ANO7: variants seen among roughly 807,000 people sequenced by gnomAD.
ANO7 encodes anoctamin 7, also known as anoctamin-7.
A neutral mutation model predicts 115.8 loss-of-function variants in ANO7; 114 were observed. The ratio of observed to expected loss-of-function variants is 0.98; its 90% CI spans 0.85 to 1.15. The LOEUF is 1.15. Ranked by LOEUF, ANO7 falls within the 50% of genes most tolerant of loss-of-function variation. ANO7 has a pLI of 0.00. For missense variants in ANO7, 1,302 were observed against 1,201.2 expected, an observed-to-expected ratio of 1.08 and a Z score of -1.24; for synonymous variants, 550 against 498.2, an observed-to-expected ratio of 1.10 and a Z score of -1.38.
intron 7 of ANO7, 129 bp from the exon 8 acceptor site, chr2:241,202,065 G>T: frequency 1.4e-6 from 1 of 705,518 alleles, no homozygotes; most frequent in Non-Finnish European, 2.4e-6. Context: ...CTTTCCATCA[G>T]ATCGCTATTG....
chr2:241,222,845 G>A (rs1201855615), intron 21 of ANO7, among the ~76,000 whole-genome samples: 9 of 152,302 alleles, frequency 5.9e-5, no homozygotes, highest in African/African-American at 2.2e-4. Context: ...TTTTCACCGT[G>A]TAAGTAGACT....
Position 241,204,965 on chromosome 2 carries a change from C to A in ANO7, c.980+10C>A, listed in dbSNP as rs779319466. On this transcript the variant is annotated intron_variant, in intron 10 of 24. Transcript: ENST00000674324. ...TCTCAGACATACCCACGTGAGTGTTCCCTCTCCGCAGCTCTGGGGCCTGGT... is the reference window on the plus strand; with the variant it reads ...TCTCAGACATACCCACGTGAGTGTTACCTCTCCGCAGCTCTGGGGCCTGGT... 7.4e-6 allele frequency: 12 copies of A among 1,613,012 alleles called. No individual in the cohort carries two copies. The East Asian group carries it at 2.7e-4, about 36-fold the overall frequency.
At chr2:241,231,882 A>G in the ANO7 span, among the ~76,000 whole-genome samples, 1 of 98,796 alleles carries the variant, frequency 1.0e-5, no homozygotes, top group African/African-American at 3.3e-5. Context: ...CAACAGGACT[A>G]GAGGACGGGG....
the ANO7 span, among the ~76,000 whole-genome samples, chr2:241,236,988 G>T: frequency 1.6e-4 from 24 of 150,674 alleles, 1 homozygote; most frequent in South Asian, 4.4e-4. Flanking sequence ...GGGGGGGGGG[G>T]GGGGGGCGGC....
intron 1 of ANO7, among the ~76,000 whole-genome samples, chr2:241,189,338 C>G (rs1437494019): frequency 5.9e-5 from 9 of 152,188 alleles, no homozygotes; most frequent in Admixed American, 5.9e-4. Flanking sequence ...CGACCTCCTG[C>G]GGCGCCTCCA....
At chr2:241,211,213 G>T (rs557677831) in intron 15 of ANO7, among the ~76,000 whole-genome samples, 1 of 152,346 alleles carries the variant, frequency 6.6e-6, no homozygotes, top group African/African-American at 2.4e-5. Context: ...AGGTCCCCCA[G>T]GTGGGAGATG....
At chr2:241,201,429 A>G in intron 7 of ANO7, 74 bp downstream of exon 7, 4 of 1,516,012 alleles carry the variant, frequency 2.6e-6, no homozygotes, top group Non-Finnish European at 3.6e-6. Flanking sequence ...CCCAGCCTCC[A>G]TGGATGCAGA....
downstream of ANO7, chr2:241,229,784 G>GGCCCCCCCCC: frequency 6.7e-7 from 1 of 1,502,550 alleles, no homozygotes; most frequent in Non-Finnish European, 9.1e-7. Context: ...AAGCCCGCCT[G>GGCCCCCCCCC]CCCGCCCACC....
intron 21 of ANO7, among the ~76,000 whole-genome samples, chr2:241,222,801 A>G (rs2069056656): frequency 6.6e-6 from 1 of 152,150 alleles, no homozygotes; most frequent in African/African-American, 2.4e-5. Flanking sequence ...GAGCAGGTGA[A>G]CTGCTGATCT....
chr2:241,219,954 A>G (rs1349250751), intron 21 of ANO7, among the ~76,000 whole-genome samples: 1 of 152,148 alleles, frequency 6.6e-6, no homozygotes, highest in Non-Finnish European at 1.5e-5. Context: ...TATGACTAGG[A>G]TCTTCACATG....
intron 8 of ANO7, 147 bp downstream of exon 8, chr2:241,202,451 G>A (rs1024432116): frequency 2.2e-5 from 15 of 674,162 alleles, no homozygotes; most frequent in African/African-American, 1.4e-4. Context: ...ACACACATGC[G>A]GCGATGTGAT....
chr2:241,208,028 C>T (rs1165956418), intron 11 of ANO7, among the ~76,000 whole-genome samples: 1 of 152,134 alleles, frequency 6.6e-6, no homozygotes, highest in Non-Finnish European at 1.5e-5. Context: ...GCAGAATTCC[C>T]AACTTACAAG....
Position 241,217,898 on chromosome 2 carries a change from C to A in ANO7, c.2178+7C>A, listed in dbSNP as rs774954054. ...CCTGGCGGTCATCAGCAACGTGAGG[C>A]CCGGGCGGGAGCGCGGGGCGGGGCG... is the stretch of plus-strand genomic sequence containing the variant. On this transcript the variant is annotated splice_region_variant and intron_variant, in intron 20 of 24. Coordinates refer to ENST00000674324, the MANE Select transcript of ANO7 (RefSeq NM_001370694.2). 6.6e-6 allele frequency: 10 copies of A among 1,519,834 alleles called. No individual in the cohort carries two copies. In the Admixed American group the frequency reaches 1.1e-4, roughly 17 times the overall value. The allele number at this position is 1,519,834 out of a possible 1,614,324, so 94.1% of individuals were successfully genotyped here.
chr2:241,219,948 A>G (rs1393420525), intron 21 of ANO7, among the ~76,000 whole-genome samples: 4 of 152,088 alleles, frequency 2.6e-5, no homozygotes, highest in Non-Finnish European at 5.9e-5. Flanking sequence ...TCTGTGTATG[A>G]CTAGGATCTT....
Position 241,190,099 on chromosome 2 carries a change from C to T in ANO7, c.36C>T (p.Thr12=), listed in dbSNP as rs768339208. The change falls in exon 2 of 25, where the codon ACC becomes ACT. Residue 12 remains threonine, a synonymous_variant. Transcript: ENST00000674324. The part of the protein sequence containing the change: ...LRRRAQEEDS[T]VLIDVSPPEA... ...GACGGGCCCAGGAAGAGGACAGCAC[C>T]GTCCTGATCGATGTGAGCCCCCCTG... 13 of 1,584,316 alleles carry T rather than the reference C, an allele frequency of 8.2e-6. No individual in the cohort carries two copies. The highest frequency in any genetic ancestry group is 6.7e-5 in the African/African-American group (5 of 74,472).
Position 241,195,698 on chromosome 2 carries a change from C to A in ANO7, c.167-5C>A. ...GCTCCTGCCTCTGTCCCTGTTGGCT[C>A]CCAGCAGACTTCGTCCTCGTTTGGG... On this transcript the variant is annotated splice_polypyrimidine_tract_variant and splice_region_variant and intron_variant, in intron 3 of 24. Coordinates refer to ENST00000674324, the MANE Select transcript of ANO7 (RefSeq NM_001370694.2). 1 of 1,613,820 alleles carries A rather than the reference C, an allele frequency of 6.2e-7. No individual in the cohort carries two copies. The highest frequency in any genetic ancestry group is 8.5e-7 in the Non-Finnish European group (1 of 1,179,920).
At chr2:241,201,434 T>G in intron 7 of ANO7, 79 bp downstream of exon 7, 1 of 1,493,546 alleles carries the variant, frequency 6.7e-7, no homozygotes, top group Non-Finnish European at 9.1e-7. Flanking sequence ...CCTCCATGGA[T>G]GCAGAAAGGC....
intron 3 of ANO7, among the ~76,000 whole-genome samples, chr2:241,192,308 A>G (rs1051139945): frequency 3.0e-4 from 46 of 152,136 alleles, no homozygotes; most frequent in African/African-American, 1.0e-3. Context: ...CTGGGCAGCA[A>G]GAGCAAAACT....
the ANO7 span, chr2:241,235,318 C>A: frequency 6.2e-7 from 1 of 1,608,622 alleles, no homozygotes; most frequent in Non-Finnish European, 8.5e-7. Flanking sequence ...AGTCCATTGG[C>A]CCTGGGACCC....
Sources: allele counts gnomAD v4.1 joint callset (sites outside exome capture counted in the v4.1 genomes callset), GRCh38; gene constraint gnomAD v4.1.1; transcripts MANE v1.5; gene names NCBI Gene and HGNC (gene_info 2026-07-23, HGNC 2026-07-21).